Variants in TRIM63 observed in about 807,000 individuals in gnomAD.
TRIM63 encodes the protein tripartite motif containing 63.
TRIM63 carries 48 observed loss-of-function variants against 46.0 expected under a neutral mutation model. That is an observed-to-expected ratio of 1.04 (90% confidence interval 0.83 to 1.33). The LOEUF (loss-of-function observed/expected upper bound fraction) is 1.33, where lower values mean the gene tolerates loss of function less well. Among genes scored for constraint, TRIM63 ranks in the 40% most tolerant of loss-of-function variants. The pLI is 0.00. For missense variants in TRIM63, 455 were observed against 441.2 expected (o/e 1.03, Z -0.28); for synonymous variants, 175 against 162.8 (o/e 1.08, Z -0.57).
chr1:26,063,401 T>A (rs527709807), intron 2 of TRIM63, among the ~76,000 whole-genome samples: 34 of 152,326 alleles, frequency 2.2e-4, no homozygotes, highest in Non-Finnish European at 1.8e-4. Context: ...ACATGACTGA[T>A]CACACCCTGG....
In TRIM63 at chr1:26,060,309, T is replaced by C. The variant is rs1479552876; in HGVS notation, c.554A>G (p.Gln185Arg). The C allele has an allele frequency of 6.2e-7, 1 of 1,614,028 alleles. No homozygotes were observed. The highest frequency in any genetic ancestry group is 1.3e-5 in the African/African-American group (1 of 74,928). Residue 185 changes from glutamine to arginine, a missense_variant, in exon 4 of 9, where the codon CAG (glutamine) becomes CGG (arginine). By Grantham distance (43) the Gln-to-Arg change is conservative. Transcript: ENST00000374272. ...ATCCTCCAGCTGAGTGATGATGGTC[T>C]GCACACGGTCATTCCCCGCCACCAG... ...SMLVAGNDRV[Q>R]TIITQLEDSR...
intron 7 of TRIM63, 90 bp downstream of exon 7, chr1:26,057,113 A>G (rs1044596746): frequency 3.3e-6 from 5 of 1,517,096 alleles, no homozygotes; most frequent in African/African-American, 1.4e-5. Context: ...TTATTAGTGT[A>G]TCTGCCTCCC....
At chr1:26,065,017 T>TTG (rs147938449) in intron 2 of TRIM63, among the ~76,000 whole-genome samples, 2,787 of 149,644 alleles carry the variant, frequency 0.019, 43 homozygotes, top group Admixed American at 0.05. Flanking sequence ...TTGTGTTGTG[T>TTG]TGTGTGTGTG....
intron 2 of TRIM63, among the ~76,000 whole-genome samples, chr1:26,063,807 C>A (rs1375788574): frequency 1.3e-5 from 2 of 152,226 alleles, no homozygotes; most frequent in African/African-American, 4.8e-5. Context: ...CAATAGAGGG[C>A]AGCTGTCATT....
At chr1:26,067,177 T>C (rs1339665162) in intron 1 of TRIM63, among the ~76,000 whole-genome samples, 159 bp downstream of exon 1, 1 of 152,100 alleles carries the variant, frequency 6.6e-6, no homozygotes, top group Non-Finnish European at 1.5e-5. Flanking sequence ...CAGAGCCGCC[T>C]CCCAGCCCCC....
Position 26,065,897 on chromosome 1 carries a change from G to C in TRIM63, c.332+371C>G, listed in dbSNP as rs12090969. The stretch of plus-strand genomic sequence containing the variant: ...CCTGACGCTGTTCCTCATGGCACAC[G>C]GGAGAGTAGCTGTTGCTATCCTTAT... On this transcript the variant is annotated intron_variant, in intron 2 of 8. Coordinates refer to ENST00000374272, the MANE Select transcript of TRIM63 (RefSeq NM_032588.4). Among the ~76,000 whole-genome samples the C allele has an allele frequency of 2.0e-5, 3 of 152,326 alleles. No homozygotes were observed. In the South Asian group the frequency reaches 6.2e-4, roughly 32 times the overall value.
chr1:26,063,180 C>T (rs936718319), intron 2 of TRIM63, among the ~76,000 whole-genome samples: 1 of 152,188 alleles, frequency 6.6e-6, no homozygotes, highest in African/African-American at 2.4e-5. Context: ...AGCAATCCTC[C>T]TACCTCAGTC....
chr1:26,060,772 TC>T (rs1270300067), intron 3 of TRIM63, among the ~76,000 whole-genome samples: 1 of 152,102 alleles, frequency 6.6e-6, no homozygotes, highest in African/African-American at 2.4e-5. Context: ...TGGTGGGCCC[TC>T]ACAGGCCCAG....
chr1:26,052,212 T>C (rs1236272091), intron 8 of TRIM63, among the ~76,000 whole-genome samples: 1 of 152,186 alleles, frequency 6.6e-6, no homozygotes, highest in Non-Finnish European at 1.5e-5. Flanking sequence ...GCTAAACGAT[T>C]ATCTTATTCA....
chr1:26,060,171 A>C (rs2050609847), intron 4 of TRIM63, 95 bp downstream of exon 4: 8 of 1,158,812 alleles, frequency 6.9e-6, no homozygotes, highest in Admixed American at 1.8e-5. Context: ...TCCGGGCCCC[A>C]ACCTTTAGCC....
chr1:26,060,700 G>C (rs991103438), intron 3 of TRIM63, among the ~76,000 whole-genome samples: 1 of 152,228 alleles, frequency 6.6e-6, no homozygotes, highest in Non-Finnish European at 1.5e-5. Context: ...CTAGAGAAGA[G>C]TGGGGAGTAG....
At chr1:26,061,454 G>A in intron 2 of TRIM63, 120 bp from the exon 3 acceptor site, 1 of 1,072,616 alleles carries the variant, frequency 9.3e-7, no homozygotes, top group Non-Finnish European at 1.3e-6. Context: ...CTCAGCCCAG[G>A]AATTCGAGGC....
intron 7 of TRIM63, among the ~76,000 whole-genome samples, 191 bp from the exon 8 acceptor site, chr1:26,054,155 C>T (rs2050548682): frequency 6.6e-6 from 1 of 152,242 alleles, no homozygotes; most frequent in Non-Finnish European, 1.5e-5. Context: ...GGCCCTGCTC[C>T]TGCAATCCCC....
chr1:26,052,755 C>T (rs762146628), intron 8 of TRIM63, among the ~76,000 whole-genome samples: 7 of 152,136 alleles, frequency 4.6e-5, no homozygotes, highest in Non-Finnish European at 1.0e-4. Context: ...GCGTGAGCCA[C>T]CATGCCAGCG....
At position 26,066,311 on chromosome 1, in the gene TRIM63, G is replaced by A. The variant is rs763645578; in HGVS notation, c.289C>T (p.Leu97=). 2.5e-6 allele frequency: 4 copies of A among 1,614,156 alleles called. No individual in the cohort carries two copies. The East Asian group carries it at 8.9e-5, about 36-fold the overall frequency. The stretch of plus-strand genomic sequence containing the variant: ...TAGATGTCGATGATGTTCTCCACCA[G>A]CAGGTTCCTCTGCAGGCCGTACACT... ...HGVYGLQRNL[L]VENIIDIYKQ... is the part of the protein sequence containing the mutation. The change falls in exon 2 of 9, where the codon CTG becomes TTG. Residue 97 remains leucine, a synonymous_variant. Transcript: ENST00000374272.
intron 2 of TRIM63, among the ~76,000 whole-genome samples, chr1:26,062,128 G>A (rs781152173): frequency 6.6e-6 from 1 of 151,914 alleles, no homozygotes; most frequent in Non-Finnish European, 1.5e-5. Context: ...AAATTAACCA[G>A]GCATGGTGGC....
At chr1:26,063,702 C>T (rs2050648012) in intron 2 of TRIM63, among the ~76,000 whole-genome samples, 1 of 152,184 alleles carries the variant, frequency 6.6e-6, no homozygotes. Context: ...GTGATTTCAC[C>T]TCTCTTGCCT....
In TRIM63 at chr1:26,057,657, G is replaced by T. The variant is rs377065234; in HGVS notation, c.832-7C>A. ...TGATGAGTTGCTTGGCAGTCTGCAG[G>T]GGGAGAGAGAACAAAGGATTAGGAC... On this transcript the variant is annotated splice_polypyrimidine_tract_variant and splice_region_variant and intron_variant, in intron 5 of 8. Coordinates refer to ENST00000374272, the MANE Select transcript of TRIM63 (RefSeq NM_032588.4). The T allele has an allele frequency of 6.2e-7, 1 of 1,608,120 alleles. No homozygotes were observed. Among genetic ancestry groups the T allele is most frequent in the Admixed American group, 1.7e-5 (1 of 59,036 alleles).
intron 8 of TRIM63, among the ~76,000 whole-genome samples, chr1:26,053,531 TTTTGTTTG>T (rs562783653): frequency 6.6e-6 from 1 of 152,200 alleles, no homozygotes; most frequent in Non-Finnish European, 1.5e-5. Flanking sequence ...CAGCAAGTAG[TTTTGTTTG>T]TTTGTTTGTT....
Sources: gnomAD v4.1 joint callset for allele counts (sites outside exome capture counted in the v4.1 genomes callset) on GRCh38, gnomAD v4.1.1 for gene constraint, MANE v1.5 for transcripts, NCBI Gene and HGNC (gene_info 2026-07-23, HGNC 2026-07-21) for gene names.